The following INPP4B variants were observed in gnomAD, a reference collection of about 807,000 sequenced individuals.
The protein encoded by INPP4B is inositol polyphosphate 4-phosphatase type II.
INPP4B carries 55 observed loss-of-function variants against 122.5 expected under a neutral mutation model. That is an observed-to-expected ratio of 0.45 (90% CI 0.36 to 0.56). The LOEUF is 0.56. INPP4B is among the 20% of genes least tolerant of loss of function. The probability of loss-of-function intolerance (pLI) is 0.00; values close to 1 mark genes in which losing one functional copy is unlikely to be tolerated. For missense variants in INPP4B, 1,000 were observed against 1,097.7 expected (o/e 0.91, Z 1.26); for synonymous variants, 403 against 388.7 (o/e 1.04, Z -0.43).
chr4:142,306,928 C>T (rs1350936825), intron 8 of INPP4B, among the ~76,000 whole-genome samples: 1 of 152,140 alleles, frequency 6.6e-6, no homozygotes, highest in Non-Finnish European at 1.5e-5. Flanking sequence ...CAACTCGGTT[C>T]TGAAGGAGAT....
intron 3 of INPP4B, among the ~76,000 whole-genome samples, chr4:142,439,792 C>T (rs1484060698): frequency 6.6e-6 from 1 of 152,148 alleles, no homozygotes; most frequent in Non-Finnish European, 1.5e-5. Flanking sequence ...AAACGGGTCA[C>T]ATTACACCCA....
intron 2 of INPP4B, among the ~76,000 whole-genome samples, chr4:142,686,531 A>G (rs1429923043): frequency 6.6e-6 from 1 of 152,104 alleles, no homozygotes; most frequent in Non-Finnish European, 1.5e-5. Context: ...AATACAGGGC[A>G]ATAACCACCT....
intron 14 of INPP4B, among the ~76,000 whole-genome samples, chr4:142,200,975 C>T (rs1235900198): frequency 6.6e-6 from 1 of 151,904 alleles, no homozygotes; most frequent in African/African-American, 2.4e-5. Flanking sequence ...GCAAAGTCTC[C>T]CTGTCTTTGT....
chr4:142,033,997 C>A lies in INPP4B; in HGVS notation c.2643-5083G>T, dbSNP rs114310325. Among the ~76,000 whole-genome samples the A allele has an allele frequency of 3.9e-3, 593 of 152,192 alleles. 1 individual carries two copies. Among genetic ancestry groups the A allele is most frequent in the Non-Finnish European group, 4.9e-3 (332 of 68,008 alleles). On this transcript the variant is annotated intron_variant, in intron 25 of 25. Coordinates refer to ENST00000262992, the MANE Select transcript of INPP4B (RefSeq NM_001101669.3). Reference sequence around the variant, plus strand: ...TTCATTCTTATTGAGTACTGATACTCTACTTATCAGGCCAATCAGCTAACA... The same window carrying A: ...TTCATTCTTATTGAGTACTGATACTATACTTATCAGGCCAATCAGCTAACA...
chr4:142,177,751 T>A (rs1296299624), intron 15 of INPP4B, among the ~76,000 whole-genome samples: 1 of 152,130 alleles, frequency 6.6e-6, no homozygotes, highest in Admixed American at 6.5e-5. Flanking sequence ...ACTATCCATG[T>A]CATATTTTGG....
intron 5 of INPP4B, among the ~76,000 whole-genome samples, chr4:142,420,475 T>C (rs953467174): frequency 6.6e-6 from 1 of 152,086 alleles, no homozygotes; most frequent in African/African-American, 2.4e-5. Context: ...ATGCTAAATC[T>C]TGGTCACCAG....
chr4:142,779,494 C>T (rs1774470095), intron 1 of INPP4B, among the ~76,000 whole-genome samples: 1 of 152,014 alleles, frequency 6.6e-6, no homozygotes, highest in Non-Finnish European at 1.5e-5. Context: ...ACTATCTTAT[C>T]AGAAAGTTTT....
At chr4:142,753,890 C>A (rs1045965984) in intron 1 of INPP4B, among the ~76,000 whole-genome samples, 4 of 151,962 alleles carry the variant, frequency 2.6e-5, no homozygotes, top group African/African-American at 9.7e-5. Context: ...CTGAAGATAG[C>A]ATTTACCACT....
chr4:142,370,072 G>A (rs72724529), intron 7 of INPP4B, among the ~76,000 whole-genome samples: 1 of 152,028 alleles, frequency 6.6e-6, no homozygotes, highest in African/African-American at 2.4e-5. Flanking sequence ...TGCTTAAACA[G>A]TATTGGAATG....
intron 9 of INPP4B, among the ~76,000 whole-genome samples, chr4:142,271,402 T>C (rs1457822729): frequency 1.3e-5 from 2 of 152,170 alleles, no homozygotes; most frequent in African/African-American, 4.8e-5. Context: ...CCATCAAATC[T>C]AAAACAGCAT....
At chr4:142,091,784 A>G (rs1578869519) in intron 23 of INPP4B, among the ~76,000 whole-genome samples, 1 of 152,196 alleles carries the variant, frequency 6.6e-6, no homozygotes, top group African/African-American at 2.4e-5. Flanking sequence ...AGTAAACAGG[A>G]ATGGAACCGT....
chr4:142,121,746 A>T (rs1796636762), intron 21 of INPP4B, among the ~76,000 whole-genome samples: 1 of 152,142 alleles, frequency 6.6e-6, no homozygotes, highest in Non-Finnish European at 1.5e-5. Context: ...TTTTAACTGA[A>T]TTTAATTTAA....
chr4:142,585,457 T>C (rs1735958677), intron 2 of INPP4B, among the ~76,000 whole-genome samples: 1 of 152,126 alleles, frequency 6.6e-6, no homozygotes, highest in African/African-American at 2.4e-5. Context: ...CCTCCCCTTT[T>C]AGATATTGTT....
At chr4:142,273,650 TC>T (rs1445834750) in intron 9 of INPP4B, among the ~76,000 whole-genome samples, 1 of 151,946 alleles carries the variant, frequency 6.6e-6, no homozygotes, top group Non-Finnish European at 1.5e-5. Context: ...CTTTTGGGTT[TC>T]CTATTTTTCC....
chr4:142,511,492 A>C (rs1352411729), intron 2 of INPP4B, among the ~76,000 whole-genome samples: 2 of 152,182 alleles, frequency 1.3e-5, no homozygotes, highest in Non-Finnish European at 2.9e-5. Context: ...AACACATTAC[A>C]GGTCGTGAGC....
At chr4:142,787,447 T>C (rs1447298707) in intron 1 of INPP4B, among the ~76,000 whole-genome samples, 1 of 152,116 alleles carries the variant, frequency 6.6e-6, no homozygotes, top group East Asian at 1.9e-4. Context: ...TGCTGGCACC[T>C]TTATACTGGA....
intron 23 of INPP4B, among the ~76,000 whole-genome samples, chr4:142,091,190 T>C (rs1178142667): frequency 2.0e-5 from 3 of 152,180 alleles, no homozygotes; most frequent in Non-Finnish European, 4.4e-5. Context: ...GGTTCCCAAA[T>C]GTGTGCTATG....
chr4:142,046,698 C>T (rs1423299108), intron 25 of INPP4B, among the ~76,000 whole-genome samples: 1 of 151,952 alleles, frequency 6.6e-6, no homozygotes, highest in Non-Finnish European at 1.5e-5. Context: ...TCTGTATGTA[C>T]TGGGGAGGGA....
intron 1 of INPP4B, among the ~76,000 whole-genome samples, chr4:142,818,121 A>T (rs1780341222): frequency 6.6e-6 from 1 of 152,208 alleles, no homozygotes; most frequent in Non-Finnish European, 1.5e-5. Context: ...GAATGCAAAG[A>T]TGATAAGAAA....
Sources: gnomAD v4.1 joint callset for allele counts (sites outside exome capture counted in the v4.1 genomes callset) on GRCh38, gnomAD v4.1.1 for gene constraint, MANE v1.5 for transcripts, NCBI Gene and HGNC (gene_info 2026-07-23, HGNC 2026-07-21) for gene names.